Variants in ANXA11 observed in about 807,000 individuals in gnomAD.
The protein encoded by ANXA11 is 56 kDa autoantigen.
ANXA11 carries 57 observed loss-of-function variants against 64.7 expected under a neutral mutation model. That is an observed-to-expected ratio of 0.88 (90% CI 0.71 to 1.10). ANXA11 has a LOEUF of 1.10. Ranked by LOEUF, ANXA11 falls within the 50% of genes least tolerant of loss-of-function variation. The pLI, the probability that ANXA11 is intolerant of heterozygous loss-of-function variation, is 0.00. For synonymous variants in ANXA11, 260 were observed against 265.2 expected (o/e 0.98, Z 0.19); for missense variants, 675 against 670.7 (o/e 1.01, Z -0.07).
Position 80,166,877 on chromosome 10 carries a change from C to T in ANXA11, c.744+13G>A. ...CACGCCTCACTGTCCCGCGCCCCCA[C>T]CCCGCAGCTCGCCTTGCCGTAAGCC... On this transcript the variant is annotated intron_variant, in intron 7 of 15. Transcript: ENST00000422982. 6.3e-7 allele frequency: 1 copy of T among 1,595,028 alleles called. No individual in the cohort carries two copies. The highest frequency in any genetic ancestry group is 8.5e-7 in the Non-Finnish European group (1 of 1,171,906).
At chr10:80,199,892 CA>C (rs1215759646) in intron 1 of ANXA11, among the ~76,000 whole-genome samples, 1 of 152,162 alleles carries the variant, frequency 6.6e-6, no homozygotes, top group Non-Finnish European at 1.5e-5. Flanking sequence ...TGGCTTAAAA[CA>C]CAAGCACAGA....
At chr10:80,164,956 C>G (rs1310664131) in intron 8 of ANXA11, among the ~76,000 whole-genome samples, 2 of 152,216 alleles carry the variant, frequency 1.3e-5, no homozygotes, top group Non-Finnish European at 1.5e-5. Context: ...CCCAGCATGT[C>G]CTGAGACAGC....
chr10:80,191,826 C>T (rs1240386859), intron 1 of ANXA11, among the ~76,000 whole-genome samples: 2 of 152,200 alleles, frequency 1.3e-5, no homozygotes, highest in African/African-American at 4.8e-5. Context: ...ACCTCACAAC[C>T]GGATGCCAGA....
chr10:80,186,600 C>T (rs116263392), intron 1 of ANXA11, among the ~76,000 whole-genome samples: 223 of 152,282 alleles, frequency 1.5e-3, no homozygotes, highest in African/African-American at 5.0e-3. Flanking sequence ...GAGAGGGACC[C>T]GCAGAGGCAG....
chr10:80,174,061 TTTTG>T (rs1450367900), intron 2 of ANXA11, among the ~76,000 whole-genome samples: 3 of 152,282 alleles, frequency 2.0e-5, no homozygotes, highest in South Asian at 2.1e-4. Context: ...GCATATTGGG[TTTTG>T]TTTGTTTGAG....
chr10:80,169,168 G>C lies in ANXA11; in HGVS notation c.362C>G (p.Pro121Arg), dbSNP rs201092252. 9 of 1,587,318 alleles carry C rather than the reference G, an allele frequency of 5.7e-6. No individual in the cohort carries two copies. In the South Asian group the frequency reaches 1.0e-4, roughly 18 times the overall value. Residue 121 changes from proline to arginine, a missense_variant, in exon 5 of 16, where the codon CCG becomes CGG. Physicochemically the swap from Pro to Arg is moderately radical, Grantham distance 103. Transcript: ENST00000422982. ...CGGCACAGGGGCCCCTGGGTATGGCGGATATGAGGGCATCCTGGAGGGTGG... is the reference window on the plus strand; with the variant it reads ...CGGCACAGGGGCCCCTGGGTATGGCCGATATGAGGGCATCCTGGAGGGTGG... The part of the protein sequence containing the change: ...GNPPSRMPSY[P>R]PYPGAPVPGQ...
At position 80,166,906 on chromosome 10, in the gene ANXA11, T is replaced by C; in HGVS notation, c.728A>G (p.Lys243Arg). 1 of 1,608,122 alleles carries C rather than the reference T, an allele frequency of 6.2e-7. No individual in the cohort carries two copies. Among genetic ancestry groups the C allele is most frequent in the East Asian group, 2.2e-5 (1 of 44,620 alleles). Residue 243 changes from lysine (K) to arginine (R), a missense_variant, in exon 7 of 16, where the codon AAG becomes AGG. Lys to Arg is a conservative substitution (Grantham distance 26). Coordinates refer to ENST00000422982, the MANE Select transcript of ANXA11 (RefSeq NM_145868.2). ...GCAGCTCGCCTTGCCGTAAGCCGTC[T>C]TGAAGGAAAGTAGGATCTGCTGCCG... ...KQRQQILLSF[K>R]TAYGKDLIKD...
chr10:80,189,463 A>C (rs984787786), intron 1 of ANXA11, among the ~76,000 whole-genome samples: 1 of 152,258 alleles, frequency 6.6e-6, no homozygotes, highest in African/African-American at 2.4e-5. Flanking sequence ...TATGGAAAAC[A>C]GTATGGAGAT....
At chr10:80,158,047 T>A (rs753146263) in intron 13 of ANXA11, 22 bp from the exon 14 acceptor site, 1 of 1,612,860 alleles carries the variant, frequency 6.2e-7, no homozygotes, top group Non-Finnish European at 8.5e-7. Flanking sequence ...AAACTCGGCA[T>A]AACCAGATCT....
At chr10:80,168,752 G>A (rs954654939) in intron 5 of ANXA11, among the ~76,000 whole-genome samples, 1 of 152,060 alleles carries the variant, frequency 6.6e-6, no homozygotes, top group South Asian at 2.1e-4. Flanking sequence ...GCCCAGGTTG[G>A]TCTTGAACTC....
chr10:80,178,857 T>C (rs558521811), intron 1 of ANXA11, among the ~76,000 whole-genome samples: 191 of 152,284 alleles, frequency 1.3e-3, no homozygotes, highest in African/African-American at 4.3e-3. Flanking sequence ...TAACCTGGGA[T>C]AGGCCCAGGA....
intron 1 of ANXA11, among the ~76,000 whole-genome samples, chr10:80,197,967 G>A (rs1421713556): frequency 6.6e-6 from 1 of 152,132 alleles, no homozygotes; most frequent in African/African-American, 2.4e-5. Context: ...CTTGGAGGGG[G>A]CCCCTCGATC....
chr10:80,156,752 C>T (rs920603296), intron 15 of ANXA11, among the ~76,000 whole-genome samples: 46 of 152,302 alleles, frequency 3.0e-4, no homozygotes, highest in African/African-American at 1.0e-3. Flanking sequence ...GATCCACCTG[C>T]CTCAGCCTCC....
At chr10:80,196,468 T>C (rs1840174853) in intron 1 of ANXA11, among the ~76,000 whole-genome samples, 1 of 152,156 alleles carries the variant, frequency 6.6e-6, no homozygotes, top group African/African-American at 2.4e-5. Flanking sequence ...TTCGGTAGCC[T>C]CTATTACGTA....
Position 80,187,704 on chromosome 10 carries a change from T to A in ANXA11, c.-57-11549A>T, listed in dbSNP as rs573187339. On this transcript the variant is annotated intron_variant, in intron 1 of 15. Coordinates refer to ENST00000422982, the MANE Select transcript of ANXA11 (RefSeq NM_145868.2). ...TTCCGCAAGGGGAAGCCACCGCCAG[T>A]TACACCACCTGAGCAGAGGGAGCTT... 2.6e-5 allele frequency among the ~76,000 whole-genome samples: 4 copies of A among 152,276 alleles called. No individual in the cohort carries two copies. The South Asian group carries it at 8.3e-4, about 32-fold the overall frequency.
chr10:80,200,502 C>G (rs1564629749), intron 1 of ANXA11, among the ~76,000 whole-genome samples: 1 of 152,120 alleles, frequency 6.6e-6, no homozygotes, highest in Non-Finnish European at 1.5e-5. Flanking sequence ...ACATGAAACA[C>G]GAAAGCCAAA....
chr10:80,188,911 G>A (rs533960245), intron 1 of ANXA11, among the ~76,000 whole-genome samples: 2 of 152,282 alleles, frequency 1.3e-5, no homozygotes, highest in Non-Finnish European at 2.9e-5. Flanking sequence ...AGTGAGGGGA[G>A]TGTCCAGCCA....
At position 80,156,950 on chromosome 10, in the gene ANXA11, T is replaced by C. The variant is rs1444024196; in HGVS notation, c.1458+691A>G. 8.1e-6 allele frequency: 8 copies of C among 983,332 alleles called. No individual in the cohort carries two copies. In the Admixed American group the frequency reaches 1.8e-4, roughly 23 times the overall value. 60.9% of individuals were successfully genotyped at this position (983,332 alleles called of 1,614,324 possible). A position where few individuals can be genotyped will look rare whatever the true frequency, so the allele number is the denominator to read the frequency against. On this transcript the variant is annotated intron_variant, in intron 15 of 15. Coordinates refer to ENST00000422982, the MANE Select transcript of ANXA11 (RefSeq NM_145868.2). ...CCCCATGGTGCAATTGCAAGGCTCA[T>C]GTGAGTTCAGAATTTGAGCGTTAGA...
intron 1 of ANXA11, 53 bp from the exon 2 acceptor site, chr10:80,176,208 A>C (rs146786001): frequency 4.7e-4 from 71 of 152,296 alleles, no homozygotes; most frequent in Middle Eastern, 3.4e-3. Flanking sequence ...ATCTGCAACA[A>C]CTCCTAAACC....
Sources: allele counts gnomAD v4.1 joint callset (sites outside exome capture counted in the v4.1 genomes callset), GRCh38; gene constraint gnomAD v4.1.1; transcripts MANE v1.5; gene names NCBI Gene and HGNC (gene_info 2026-07-23, HGNC 2026-07-21).